The following TBCK variants were observed in gnomAD, a reference collection of about 807,000 sequenced individuals.
TBCK encodes TBC1 domain containing kinase, also known as TBC domain-containing protein kinase-like protein.
Under a neutral mutation model 113.4 loss-of-function variants are expected in TBCK, and 99 were observed. The ratio of observed to expected loss-of-function variants is 0.87; its 90% CI spans 0.74 to 1.03. TBCK has a LOEUF of 1.03. TBCK is among the 50% of genes least tolerant of loss of function. The probability of loss-of-function intolerance (pLI) is 0.00; values close to 1 mark genes in which losing one functional copy is unlikely to be tolerated. For missense variants in TBCK, 1,045 were observed against 1,061.3 expected (o/e 0.98, Z 0.21); for synonymous variants, 369 against 370.8 (o/e 1.00, Z 0.05).
chr4:106,151,670 T>C (rs62321375), intron 23 of TBCK, among the ~76,000 whole-genome samples: 11,644 of 152,056 alleles, frequency 0.077, 506 homozygotes, highest in Middle Eastern at 0.18. Flanking sequence ...AATCTGTAGA[T>C]TGTTTTGCGT....
intron 3 of TBCK, among the ~76,000 whole-genome samples, chr4:106,273,303 C>T (rs1763694990): frequency 6.6e-6 from 1 of 152,190 alleles, no homozygotes; most frequent in Non-Finnish European, 1.5e-5. Flanking sequence ...ATATGCCTCA[C>T]AGCAATGACT....
At chr4:106,280,889 A>C (rs1764521601) in intron 3 of TBCK, among the ~76,000 whole-genome samples, 1 of 152,076 alleles carries the variant, frequency 6.6e-6, no homozygotes, top group African/African-American at 2.4e-5. Context: ...TTTGCTCATG[A>C]CAGCTGTTGC....
At chr4:106,157,271 G>A (rs777417890) in intron 23 of TBCK, among the ~76,000 whole-genome samples, 2 of 152,156 alleles carry the variant, frequency 1.3e-5, no homozygotes, top group Admixed American at 6.5e-5. Context: ...TGGAAAGAAG[G>A]TGTCTTTTTT....
intron 3 of TBCK, among the ~76,000 whole-genome samples, chr4:106,288,357 G>A (rs532301201): frequency 2.4e-4 from 37 of 151,706 alleles, no homozygotes; most frequent in Non-Finnish European, 4.0e-4. Flanking sequence ...TCGTACCACC[G>A]CACTCCAGCC....
intron 2 of TBCK, among the ~76,000 whole-genome samples, chr4:106,301,259 T>C (rs1036412585): frequency 6.6e-6 from 1 of 151,672 alleles, no homozygotes; most frequent in Non-Finnish European, 1.5e-5. Flanking sequence ...AATTATCTTG[T>C]AGTTCCATAT....
chr4:106,158,927 T>C (rs191710282), intron 23 of TBCK, among the ~76,000 whole-genome samples: 1 of 151,908 alleles, frequency 6.6e-6, no homozygotes, highest in East Asian at 1.9e-4. Flanking sequence ...TTCAAAAGCA[T>C]ATTAAAATTA....
At position 106,262,229 on chromosome 4, in the gene TBCK, A is replaced by G; in HGVS notation, c.267-17T>C. 7.1e-7 allele frequency: 1 copy of G among 1,408,902 alleles called. No individual in the cohort carries two copies. The highest frequency in any genetic ancestry group is 1.3e-5 in the South Asian group (1 of 77,518). 87.3% of individuals were successfully genotyped at this position (1,408,902 alleles called of 1,614,324 possible). A position where few individuals can be genotyped will look rare whatever the true frequency, so the allele number is the denominator to read the frequency against. On this transcript the variant is annotated splice_polypyrimidine_tract_variant and intron_variant, in intron 3 of 25. Transcript: ENST00000394708. ...GTTGAACAGCTACAAAGAAAACAAA[A>G]AGTCAAAGATCAATTACAAAGCAAA...
intron 19 of TBCK, among the ~76,000 whole-genome samples, chr4:106,220,405 T>G (rs1177380153): frequency 6.6e-6 from 1 of 152,128 alleles, no homozygotes; most frequent in Non-Finnish European, 1.5e-5. Context: ...CAATTAAACC[T>G]CTCTTTTTTT....
intron 3 of TBCK, among the ~76,000 whole-genome samples, chr4:106,265,578 G>C (rs1332969807): frequency 6.6e-6 from 1 of 151,598 alleles, no homozygotes; most frequent in Non-Finnish European, 1.5e-5. Flanking sequence ...GAGAGAGTGA[G>C]AGAAATCCAA....
intron 25 of TBCK, among the ~76,000 whole-genome samples, chr4:106,056,556 T>C (rs1482364287): frequency 6.9e-6 from 1 of 145,968 alleles, no homozygotes; most frequent in Non-Finnish European, 1.5e-5. Flanking sequence ...ACTTGTCTTG[T>C]ATCCATTCCT....
chr4:106,085,661 G>T (rs754705002), intron 25 of TBCK, among the ~76,000 whole-genome samples: 19 of 152,162 alleles, frequency 1.2e-4, no homozygotes, highest in Non-Finnish European at 2.5e-4. Flanking sequence ...ATTCTTCTCA[G>T]TGCCACATGG....
At chr4:106,233,403 C>T (rs897428249) in intron 16 of TBCK, among the ~76,000 whole-genome samples, 185 bp downstream of exon 16, 1 of 151,872 alleles carries the variant, frequency 6.6e-6, no homozygotes, top group Non-Finnish European at 1.5e-5. Flanking sequence ...GTAACTTGAC[C>T]TAAAGTCCTT....
chr4:106,085,017 A>G (rs1223465741), intron 25 of TBCK, among the ~76,000 whole-genome samples: 1 of 152,234 alleles, frequency 6.6e-6, no homozygotes, highest in African/African-American at 2.4e-5. Flanking sequence ...GACCAATGAC[A>G]TTATGAAGAA....
Position 106,295,292 on chromosome 4 carries a change from A to T in TBCK, c.194-126T>A. ...ACAATATTTTAAAAGAGCCTTTCAA[A>T]CTCTATATTAACTACATTATTACCA... On this transcript the variant is annotated intron_variant, in intron 2 of 25. Transcript: ENST00000394708. 4.8e-6 allele frequency: 3 copies of T among 631,454 alleles called. No individual in the cohort carries two copies. In the East Asian group the frequency reaches 8.2e-5, roughly 17 times the overall value. 39.1% of individuals were successfully genotyped at this position (631,454 alleles called of 1,614,324 possible).
intron 1 of TBCK, chr4:106,315,489 G>A (rs1484772326): frequency 6.6e-6 from 1 of 152,110 alleles, no homozygotes; most frequent in African/African-American, 2.4e-5. Flanking sequence ...ACCAGGACAG[G>A]GATCCTTGAA....
chr4:106,235,460 A>G, intron 14 of TBCK, 93 bp from the exon 15 acceptor site: 1 of 700,432 alleles, frequency 1.4e-6, no homozygotes, highest in East Asian at 3.1e-5. Flanking sequence ...ATAAAACTTA[A>G]GTGACTTGCA....
At chr4:106,240,893 T>C (rs1319012856) in intron 12 of TBCK, among the ~76,000 whole-genome samples, 1 of 152,114 alleles carries the variant, frequency 6.6e-6, no homozygotes, top group East Asian at 1.9e-4. Context: ...TAGCAAACTG[T>C]TTCTATGCAG....
chr4:106,244,608 A>G lies in TBCK; in HGVS notation c.1070+18T>C. The G allele has an allele frequency of 6.5e-7, 1 of 1,531,732 alleles. No homozygotes were observed. Among genetic ancestry groups the G allele is most frequent in the Non-Finnish European group, 8.7e-7 (1 of 1,143,086 alleles). 94.9% of individuals were successfully genotyped at this position (1,531,732 alleles called of 1,614,324 possible). The stretch of plus-strand genomic sequence containing the variant: ...GTATTTATTTATTTAAATTCCCAAG[A>G]GAAGTTTCTTTCCTTACTTGGGGAG... On this transcript the variant is annotated intron_variant, in intron 11 of 25. Coordinates refer to ENST00000394708, the MANE Select transcript of TBCK (RefSeq NM_001163435.3).
chr4:106,136,768 C>T lies in TBCK; in HGVS notation c.2236-20390G>A, dbSNP rs999507060. Among the ~76,000 whole-genome samples, 4 of 141,070 alleles carry T rather than the reference C, an allele frequency of 2.8e-5. 1 individual carries two copies. The highest frequency in any genetic ancestry group is 6.4e-5 in the Non-Finnish European group (4 of 62,160). 92.5% of individuals were successfully genotyped at this position (141,070 alleles called of 152,430 possible). On this transcript the variant is annotated intron_variant, in intron 23 of 25. Transcript: ENST00000394708. ...TTTATAGCCCCTACTCTATAAATCA[C>T]TGCCACTGGTCTCTTTCAATATACC...
Sources: gnomAD v4.1 joint callset for allele counts (sites outside exome capture counted in the v4.1 genomes callset) on GRCh38, gnomAD v4.1.1 for gene constraint, MANE v1.5 for transcripts, NCBI Gene and HGNC (gene_info 2026-07-23, HGNC 2026-07-21) for gene names.